The following KCNK9 variants were observed in gnomAD, a reference collection of about 807,000 sequenced individuals.
KCNK9 encodes potassium channel subfamily K member 9.
KCNK9 carries 1 observed loss-of-function variant against 10.8 expected under a neutral mutation model. That is an observed-to-expected ratio of 0.09 (90% CI 0.03 to 0.44). The LOEUF (loss-of-function observed/expected upper bound fraction) is 0.44. Among genes scored for constraint, KCNK9 ranks in the 20% least tolerant of loss-of-function variants. KCNK9 has a pLI of 0.97. For missense variants in KCNK9, 303 were observed against 515.0 expected (o/e 0.59, Z 3.98); for synonymous variants, 231 against 222.7 (o/e 1.04, Z -0.33).
chr8:139,660,451 T>TATAA (rs1159016589), intron 1 of KCNK9, among the ~76,000 whole-genome samples: 1 of 91,962 alleles, frequency 1.1e-5, no homozygotes, highest in Non-Finnish European at 1.8e-5. Flanking sequence ...TAAAAAAAAA[T>TATAA]ATATATATAT....
chr8:139,687,858 C>A (rs1816855571), intron 1 of KCNK9, among the ~76,000 whole-genome samples: 1 of 151,592 alleles, frequency 6.6e-6, no homozygotes, highest in South Asian at 2.1e-4. Context: ...AAATCCCAGA[C>A]ATTTCATTTA....
intron 1 of KCNK9, among the ~76,000 whole-genome samples, chr8:139,628,492 T>G (rs1436775884): frequency 2.6e-5 from 4 of 152,154 alleles, no homozygotes; most frequent in Non-Finnish European, 5.9e-5. Context: ...GAGGCCCTTG[T>G]TCATGCCGAC....
chr8:139,643,997 C>A (rs191433307), intron 1 of KCNK9, among the ~76,000 whole-genome samples: 11 of 152,282 alleles, frequency 7.2e-5, no homozygotes, highest in African/African-American at 2.4e-4. Context: ...GATTGTGGTC[C>A]CCACCTCTGC....
intron 1 of KCNK9, among the ~76,000 whole-genome samples, chr8:139,678,558 G>C (rs1275012000): frequency 1.3e-5 from 2 of 152,244 alleles, no homozygotes; most frequent in Non-Finnish European, 2.9e-5. Context: ...TCCTCATGCA[G>C]CTGGAATGTT....
chr8:139,664,868 G>C (rs1816259047), intron 1 of KCNK9, among the ~76,000 whole-genome samples: 2 of 152,138 alleles, frequency 1.3e-5, no homozygotes, highest in South Asian at 4.1e-4. Flanking sequence ...CACGGGCTGG[G>C]TGGGGCCACC....
intron 1 of KCNK9, among the ~76,000 whole-genome samples, chr8:139,674,281 C>A (rs1204248359): frequency 1.3e-5 from 2 of 152,174 alleles, no homozygotes; most frequent in Non-Finnish European, 1.5e-5. Flanking sequence ...GTCTGCCATG[C>A]GAGGATACAG....
intron 1 of KCNK9, among the ~76,000 whole-genome samples, chr8:139,671,954 G>A (rs1816438545): frequency 6.6e-6 from 1 of 152,196 alleles, no homozygotes; most frequent in Non-Finnish European, 1.5e-5. Flanking sequence ...CTGCAGTGCA[G>A]TGGGAGAGGC....
In KCNK9 at chr8:139,677,853, C is replaced by G. The variant is rs140821970; in HGVS notation, c.283+24857G>C. ...AGCTGCAGAGTAGTACCTCACATCC[C>G]AGCCCAAGGGGTCCCCATGGCTGCA... is the stretch of plus-strand genomic sequence containing the variant. On this transcript the variant is annotated intron_variant, in intron 1 of 1. Coordinates refer to ENST00000520439, the MANE Select transcript of KCNK9 (RefSeq NM_001282534.2). 9.1e-4 allele frequency among the ~76,000 whole-genome samples: 42 copies of G among 46,302 alleles called. 1 individual carries two copies. The highest frequency in any genetic ancestry group is 2.0e-3 in the African/African-American group (39 of 19,308). The allele number at this position is 46,302 out of a possible 152,430, so 30.4% of individuals were successfully genotyped here.
At position 139,605,009 on chromosome 8, in the gene KCNK9, C is replaced by T. The variant is rs189390211; in HGVS notation, c.*1-3408G>A. On this transcript the variant is annotated intron_variant, in intron 2 of 2. Transcript: ENST00000650269. Reference sequence around the variant, plus strand: ...CCATCCTGGATCCAGACTAAGGGCACGACCCAGAAACCTGTCTTCATGAGC... The same window carrying T: ...CCATCCTGGATCCAGACTAAGGGCATGACCCAGAAACCTGTCTTCATGAGC... Among the ~76,000 whole-genome samples the T allele has an allele frequency of 5.2e-4, 79 of 152,348 alleles. 1 individual carries two copies. Among genetic ancestry groups the T allele is most frequent in the Admixed American group, 4.2e-3 (64 of 15,312 alleles).
intron 1 of KCNK9, among the ~76,000 whole-genome samples, chr8:139,621,270 G>A: frequency 6.9e-6 from 1 of 144,532 alleles, no homozygotes; most frequent in Non-Finnish European, 1.5e-5. Flanking sequence ...CAACCTGGGT[G>A]ACAGAGCGAG....
intron 1 of KCNK9, among the ~76,000 whole-genome samples, chr8:139,700,861 C>T (rs898198515): frequency 1.3e-5 from 2 of 152,188 alleles, no homozygotes; most frequent in Non-Finnish European, 2.9e-5. Flanking sequence ...TGGCACATTT[C>T]AGAGTTTGCT....
intron 1 of KCNK9, among the ~76,000 whole-genome samples, chr8:139,691,606 AAAG>A (rs1435912619): frequency 5.9e-5 from 9 of 152,356 alleles, no homozygotes; most frequent in African/African-American, 2.2e-4. Flanking sequence ...TAGTTAGCCT[AAAG>A]AAAGAAAAAA....
chr8:139,628,498 C>T (rs1815052138), intron 1 of KCNK9, among the ~76,000 whole-genome samples: 1 of 152,212 alleles, frequency 6.6e-6, no homozygotes, highest in Non-Finnish European at 1.5e-5. Flanking sequence ...CTTGTTCATG[C>T]CGACCAGGCA....
chr8:139,679,356 G>T (rs1816633369), intron 1 of KCNK9, among the ~76,000 whole-genome samples: 1 of 152,240 alleles, frequency 6.6e-6, no homozygotes, highest in African/African-American at 2.4e-5. Context: ...GAGCACGGGG[G>T]TGTGGGAACT....
intron 1 of KCNK9, among the ~76,000 whole-genome samples, chr8:139,648,086 T>TA (rs1294371538): frequency 1.3e-5 from 2 of 152,090 alleles, no homozygotes; most frequent in African/African-American, 4.8e-5. Flanking sequence ...CATGTGATCA[T>TA]AAAAAGGAAA....
At chr8:139,662,830 G>T (rs1042303070) in intron 1 of KCNK9, among the ~76,000 whole-genome samples, 1 of 142,568 alleles carries the variant, frequency 7.0e-6, no homozygotes, top group Non-Finnish European at 1.5e-5. Context: ...AGGGGAGGGG[G>T]GTCAGGGAAA....
chr8:139,638,556 C>T (rs1815404426), intron 1 of KCNK9, among the ~76,000 whole-genome samples: 1 of 152,194 alleles, frequency 6.6e-6, no homozygotes, highest in South Asian at 2.1e-4. Flanking sequence ...AGGAGAGGGG[C>T]ACACGGGCTA....
chr8:139,701,395 T>C (rs1042464061), intron 1 of KCNK9, among the ~76,000 whole-genome samples: 1 of 152,210 alleles, frequency 6.6e-6, no homozygotes, highest in Non-Finnish European at 1.5e-5. Flanking sequence ...AGACAGGCCG[T>C]CCTGTGCTGG....
At chr8:139,681,780 C>G (rs892365485) in intron 1 of KCNK9, among the ~76,000 whole-genome samples, 2 of 152,232 alleles carry the variant, frequency 1.3e-5, no homozygotes, top group African/African-American at 4.8e-5. Context: ...TAGTGGACAC[C>G]TGGCCTCAGC....
Sources: allele counts gnomAD v4.1 joint callset (sites outside exome capture counted in the v4.1 genomes callset), GRCh38; gene constraint gnomAD v4.1.1; transcripts MANE v1.5; gene names NCBI Gene and HGNC (gene_info 2026-07-23, HGNC 2026-07-21).